The following CUX1 variants were observed in gnomAD, a reference collection of about 807,000 sequenced individuals.
CUX1 encodes protein CASP.
A neutral mutation model predicts 158.8 loss-of-function variants in CUX1; 31 were observed. The observed-to-expected ratio is 0.20, with a 90% CI of 0.15 to 0.26. CUX1 has a LOEUF of 0.26. Ranked by LOEUF, CUX1 falls within the 10% of genes least tolerant of loss-of-function variation. The pLI is 1.00. For missense variants in CUX1, 1,589 were observed against 2,014.6 expected (o/e 0.79, Z 4.04); for synonymous variants, 879 against 862.1 (o/e 1.02, Z -0.34).
intron 20 of CUX1, among the ~76,000 whole-genome samples, chr7:102,225,881 C>G (rs1274830185): frequency 2.0e-5 from 3 of 152,234 alleles, no homozygotes; most frequent in African/African-American, 7.2e-5. Flanking sequence ...GCCCTCTTAC[C>G]TGGCACTGTG....
At chr7:101,827,840 C>T (rs1182178109) in intron 1 of CUX1, among the ~76,000 whole-genome samples, 1 of 152,060 alleles carries the variant, frequency 6.6e-6, no homozygotes, top group Non-Finnish European at 1.5e-5. Flanking sequence ...GGTCCTCATT[C>T]TCTTTGCCTT....
chr7:101,890,367 A>C (rs1307524017), intron 1 of CUX1, among the ~76,000 whole-genome samples: 1 of 152,156 alleles, frequency 6.6e-6, no homozygotes, highest in Non-Finnish European at 1.5e-5. Context: ...AACCATGGTC[A>C]AAATGGGGAC....
At chr7:102,282,933 A>T (rs1792213241) in intron 22 of CUX1, 1 of 736,852 alleles carries the variant, frequency 1.4e-6, no homozygotes. Flanking sequence ...GGTATCCACT[A>T]CCCCCTAGCC....
intron 2 of CUX1, among the ~76,000 whole-genome samples, chr7:101,991,627 T>C (rs1815143791): frequency 6.6e-6 from 1 of 151,896 alleles, no homozygotes; most frequent in Non-Finnish European, 1.5e-5. Context: ...GACGTGGTGG[T>C]GTGCACCTGT....
intron 1 of CUX1, among the ~76,000 whole-genome samples, chr7:101,880,471 T>C (rs950202085): frequency 2.6e-5 from 4 of 152,132 alleles, no homozygotes; most frequent in African/African-American, 9.7e-5. Flanking sequence ...AGAAATCACG[T>C]TGGCTCCTGG....
chr7:101,901,631 C>T (rs1045117181), intron 1 of CUX1, among the ~76,000 whole-genome samples: 2 of 152,208 alleles, frequency 1.3e-5, no homozygotes, highest in Non-Finnish European at 2.9e-5. Context: ...TATAAGCAGC[C>T]AGTGGCCCAC....
At chr7:101,878,190 G>A (rs1197073691) in intron 1 of CUX1, among the ~76,000 whole-genome samples, 1 of 152,242 alleles carries the variant, frequency 6.6e-6, no homozygotes, top group Non-Finnish European at 1.5e-5. Context: ...TGTAGGTGTG[G>A]AAGTGCACAT....
chr7:102,148,799 G>T (rs1278669972), intron 8 of CUX1, among the ~76,000 whole-genome samples: 2 of 151,138 alleles, frequency 1.3e-5, no homozygotes, highest in African/African-American at 4.9e-5. Context: ...CACCTAAGCA[G>T]TATACACTGC....
rs1801003739 is a variant in CUX1, at chr7:102,248,060, G to T, written c.3888-352G>T. On this transcript the variant is annotated intron_variant, in intron 23 of 23. Transcript: ENST00000292535. This position sits in a 1 kb window ranked among gnomAD's most constrained non-coding sequence, Gnocchi z 5.8. ...GCAGGAGAATCGCTTGAACCCAGGAGGCAGAGGTTGCAGTCTGCGGAGATT... is the reference window on the plus strand; with the variant it reads ...GCAGGAGAATCGCTTGAACCCAGGATGCAGAGGTTGCAGTCTGCGGAGATT... Among the ~76,000 whole-genome samples, 1 of 152,214 alleles carries T rather than the reference G, an allele frequency of 6.6e-6. No individual in the cohort carries two copies. The highest frequency in any genetic ancestry group is 6.5e-5 in the Admixed American group (1 of 15,282).
chr7:101,950,879 G>A (rs528337536), intron 2 of CUX1, among the ~76,000 whole-genome samples: 8 of 152,034 alleles, frequency 5.3e-5, no homozygotes, highest in Non-Finnish European at 1.0e-4. Flanking sequence ...GTAAAACTTG[G>A]CCAACCCCTG....
At chr7:101,976,974 A>T (rs1034345492) in intron 2 of CUX1, among the ~76,000 whole-genome samples, 3 of 117,676 alleles carry the variant, frequency 2.5e-5, no homozygotes, top group Admixed American at 1.2e-4. Context: ...GTGTCGTGGC[A>T]TGATTTCAGC....
At chr7:101,890,237 A>AG (rs1228868064) in intron 1 of CUX1, among the ~76,000 whole-genome samples, 1 of 152,200 alleles carries the variant, frequency 6.6e-6, no homozygotes, top group African/African-American at 2.4e-5. Flanking sequence ...TTCAAAGAAT[A>AG]GGGGGGCTGT....
chr7:101,878,985 G>A (rs1216228341), intron 1 of CUX1, among the ~76,000 whole-genome samples: 1 of 152,172 alleles, frequency 6.6e-6, no homozygotes, highest in Non-Finnish European at 1.5e-5. Context: ...AGATCTTAAA[G>A]TAGAAGTAAC....
rs1637257 is a variant in CUX1 at position 102,097,326 on chromosome 7, T to A, written c.269-38T>A. The A allele has an allele frequency of 5.7e-6, 9 of 1,580,180 alleles. 1 individual carries two copies. The South Asian group carries it at 9.4e-5, about 16-fold the overall frequency. On this transcript the variant is annotated intron_variant, in intron 4 of 23. Transcript: ENST00000292535. ...ACCGCCGTGGAGGGGGCCTGTTTGCTGGCCGAGTGGGGTGATGGCTGTTTT... is the reference window on the plus strand; with the variant it reads ...ACCGCCGTGGAGGGGGCCTGTTTGCAGGCCGAGTGGGGTGATGGCTGTTTT...
At chr7:102,058,930 A>G (rs1824460865) in intron 3 of CUX1, among the ~76,000 whole-genome samples, 1 of 152,148 alleles carries the variant, frequency 6.6e-6, no homozygotes, top group African/African-American at 2.4e-5. Flanking sequence ...AGCCTCCTTA[A>G]ATGACTTTAT....
rs1021372228 is a variant in CUX1 at position 101,869,294 on chromosome 7, C to A, written c.31-46821C>A. 6.6e-6 allele frequency among the ~76,000 whole-genome samples: 1 copy of A among 152,124 alleles called. No homozygotes were observed. The highest frequency in any genetic ancestry group is 2.4e-5 in the African/African-American group (1 of 41,430). ...CCAGAGGACGCGGTGCCTTTCAGACCCCTTGAGTAAGAGACAGAGTGGGTC... is the reference window on the plus strand; with the variant it reads ...CCAGAGGACGCGGTGCCTTTCAGACACCTTGAGTAAGAGACAGAGTGGGTC... On this transcript the variant is annotated intron_variant, in intron 1 of 23. Coordinates refer to ENST00000292535, the MANE Select transcript of CUX1 (RefSeq NM_181552.4). The surrounding 1 kb of genome is among the most constrained non-coding windows in gnomAD (Gnocchi z 4.5).
chr7:102,094,779 G>A (rs1554483486), intron 4 of CUX1, among the ~76,000 whole-genome samples: 2 of 152,110 alleles, frequency 1.3e-5, no homozygotes, highest in Non-Finnish European at 2.9e-5. Context: ...TTAAATCGTG[G>A]TTCTGTACAA....
chr7:101,879,858 C>T (rs1300785678), intron 1 of CUX1, among the ~76,000 whole-genome samples: 2 of 152,244 alleles, frequency 1.3e-5, no homozygotes, highest in Admixed American at 6.5e-5. Flanking sequence ...GGACAGCCTG[C>T]TTCTGCATGG....
chr7:102,237,869 C>G (rs1799745728), intron 22 of CUX1, among the ~76,000 whole-genome samples: 1 of 151,060 alleles, frequency 6.6e-6, no homozygotes, highest in South Asian at 2.1e-4. Context: ...CATCTCCAAT[C>G]ATAGGTAAGG....
Sources: gnomAD v4.1 joint callset for allele counts (sites outside exome capture counted in the v4.1 genomes callset) on GRCh38, gnomAD v4.1.1 for gene constraint, Gnocchi (gnomAD v3.1) non-coding constraint, MANE v1.5 for transcripts, NCBI Gene and HGNC (gene_info 2026-07-23, HGNC 2026-07-21) for gene names.